The following EGFL8 variants were observed in gnomAD, a reference collection of about 807,000 sequenced individuals.
The protein encoded by EGFL8 is epidermal growth factor-like protein 8.
In EGFL8, 32 loss-of-function variants were observed where a neutral mutation model predicts 39.4. That is an observed-to-expected ratio of 0.81 (90% CI 0.61 to 1.09). EGFL8 has a LOEUF of 1.09. EGFL8 is among the 50% of genes least tolerant of loss of function. EGFL8 has a pLI of 0.00. For missense variants in EGFL8, 385 were observed against 402.2 expected (o/e 0.96, Z 0.37); for synonymous variants, 177 against 168.5 (o/e 1.05, Z -0.39).
In EGFL8 at chr6:32,166,347, A is replaced by G; in HGVS notation, c.101+81A>G. 2 of 1,593,656 alleles carry G rather than the reference A, an allele frequency of 1.3e-6. No individual in the cohort carries two copies. The highest frequency in any genetic ancestry group is 1.7e-6 in the Non-Finnish European group (2 of 1,163,610). ...GGGGTGGGGCTTCACAGGAGGCAAA[A>G]CATAACTGTAAGTTTAGAATGGGGG... On this transcript the variant is annotated intron_variant, in intron 2 of 8. Transcript: ENST00000333845. The surrounding 1 kb of genome is among the most constrained non-coding windows in gnomAD (Gnocchi z 7.3).
Position 32,166,278 on chromosome 6 carries a change from G to C in EGFL8, c.101+12G>C. ...TCCCTCAGAGAGAGGTGACAACAGA[G>C]GGGGTAGGGCCCGGGGTGAGCTCTT... On this transcript the variant is annotated intron_variant, in intron 2 of 8. Coordinates refer to ENST00000333845, the MANE Select transcript of EGFL8 (RefSeq NM_030652.4). This position sits in a 1 kb window ranked among gnomAD's most constrained non-coding sequence, Gnocchi z 7.3. 1.9e-6 allele frequency: 3 copies of C among 1,613,746 alleles called. No individual in the cohort carries two copies. Among genetic ancestry groups the C allele is most frequent in the Non-Finnish European group, 2.5e-6 (3 of 1,179,790 alleles).
In EGFL8 at chr6:32,168,047, G is replaced by A; in HGVS notation, c.*91G>A. ...TGGCCGACTGTGAGCTGCAGATAAG[G>A]CTATCAGCCACCAAAGAGCAATGAA... is the stretch of plus-strand genomic sequence containing the variant. On this transcript the variant is annotated 3_prime_UTR_variant, in exon 9 of 9. Transcript: ENST00000333845. This position sits in a 1 kb window ranked among gnomAD's most constrained non-coding sequence, Gnocchi z 4.5. The A allele has an allele frequency of 7.7e-7, 1 of 1,293,212 alleles. No homozygotes were observed. The highest frequency in any genetic ancestry group is 1.1e-6 in the Non-Finnish European group (1 of 892,578). The allele number at this position is 1,293,212 out of a possible 1,614,324, so 80.1% of individuals were successfully genotyped here. A position where few individuals can be genotyped will look rare whatever the true frequency, so the allele number is the denominator to read the frequency against.
chr6:32,164,643 G>C lies in EGFL8; in HGVS notation c.-43G>C, dbSNP rs1013190756. Reference sequence around the variant, plus strand: ...AGGCTGGTCTGCTTGAAGCCTCCCAGGAGAAAGAAGCCAGGTGGGAATGGA... The same window carrying C: ...AGGCTGGTCTGCTTGAAGCCTCCCACGAGAAAGAAGCCAGGTGGGAATGGA... On this transcript the variant is annotated 5_prime_UTR_variant, in exon 1 of 9. Coordinates refer to ENST00000333845, the MANE Select transcript of EGFL8 (RefSeq NM_030652.4). This position sits in a 1 kb window ranked among gnomAD's most constrained non-coding sequence, Gnocchi z 5.4. The C allele has an allele frequency of 1.5e-5, 11 of 718,778 alleles. No homozygotes were observed. 44.5% of individuals were successfully genotyped at this position (718,778 alleles called of 1,614,324 possible).
In EGFL8 at chr6:32,164,620, G is replaced by C. The variant is rs1463457850; in HGVS notation, c.-66G>C. On this transcript the variant is annotated 5_prime_UTR_variant, in exon 1 of 9. Transcript: ENST00000333845. This position sits in a 1 kb window ranked among gnomAD's most constrained non-coding sequence, Gnocchi z 5.4. ...ACCAGTCTGAGCTGCTTCTGCTGAG[G>C]CTGGTCTGCTTGAAGCCTCCCAGGA... The C allele has an allele frequency of 6.9e-6, 5 of 720,490 alleles. No individual in the cohort carries two copies. The highest frequency in any genetic ancestry group is 1.3e-5 in the Non-Finnish European group (5 of 387,040). The allele number at this position is 720,490 out of a possible 1,614,324, so 44.6% of individuals were successfully genotyped here.
At position 32,167,247 on chromosome 6, in the gene EGFL8, C is replaced by T. The variant is rs756949458; in HGVS notation, c.591C>T (p.Leu197=). The T allele has an allele frequency of 3.1e-6, 5 of 1,611,986 alleles. No homozygotes were observed. In the Admixed American group the frequency reaches 5.0e-5, roughly 16 times the overall value. Residue 197 remains leucine (L), a synonymous_variant, in exon 6 of 9, where the codon CTC becomes CTT. Transcript: ENST00000333845. This position sits in a 1 kb window ranked among gnomAD's most constrained non-coding sequence, Gnocchi z 6.4. ...SPEPPTSASI[L]SVAVREAEKD... ...AGCCCCCAACCAGTGCCAGCATACT[C>T]AGCGTGGCCGGTGAGTGGGCAGGAG...
At position 32,167,473 on chromosome 6, in the gene EGFL8, C is replaced by T; in HGVS notation, c.682-30C>T. The T allele has an allele frequency of 6.2e-7, 1 of 1,610,884 alleles. No individual in the cohort carries two copies. Among genetic ancestry groups the T allele is most frequent in the Non-Finnish European group, 8.5e-7 (1 of 1,179,894 alleles). On this transcript the variant is annotated intron_variant, in intron 7 of 8. Transcript: ENST00000333845. This position sits in a 1 kb window ranked among gnomAD's most constrained non-coding sequence, Gnocchi z 6.4. ...GTGGGGCGAGGCCAGACGTCACTGT[C>T]AATACCCTGAGGCATCTCTTCCTTT...
At position 32,166,266 on chromosome 6, in the gene EGFL8, G is replaced by A. The variant is rs1784471249; in HGVS notation, c.101G>A (p.Ser34Asn). The A allele has an allele frequency of 6.2e-7, 1 of 1,613,968 alleles. No homozygotes were observed. The highest frequency in any genetic ancestry group is 8.5e-7 in the Non-Finnish European group (1 of 1,179,974). The change falls in exon 2 of 9, where the codon AGT becomes AAT. Residue 34 changes from serine (S) to asparagine (N), a missense_variant and splice_region_variant. Transcript: ENST00000333845. This position sits in a 1 kb window ranked among gnomAD's most constrained non-coding sequence, Gnocchi z 7.3. ...GCCAAGGGTGGATCCCTCAGAGAGA[G>A]GTGACAACAGAGGGGGTAGGGCCCG... ...EGAKGGSLRESQGVCSKQTLV... is the reference protein window; with the variant it reads ...EGAKGGSLRENQGVCSKQTLV...
chr6:32,167,912 T>G lies in EGFL8; in HGVS notation c.838T>G (p.Ser280Ala), dbSNP rs767399890. 4.1e-5 allele frequency: 66 copies of G among 1,614,032 alleles called. No homozygotes were observed. The highest frequency in any genetic ancestry group is 5.4e-5 in the Non-Finnish European group (64 of 1,180,022). Residue 280 changes from serine (S) to alanine (A), a missense_variant and splice_region_variant, in exon 9 of 9, where the codon TCC (serine) becomes GCC (alanine). By Grantham distance (99) the Ser-to-Ala change is moderately conservative. Coordinates refer to ENST00000333845, the MANE Select transcript of EGFL8 (RefSeq NM_030652.4). This position sits in a 1 kb window ranked among gnomAD's most constrained non-coding sequence, Gnocchi z 6.4. ...LLLEERLGAC[S>A]CEDNSLGLGV... ...GTGTCTGCCATGTCATTAACCAGGC[T>G]CCTGTGAGGACAACAGCCTGGGCCT...
Position 32,167,146 on chromosome 6 carries a change from G to C in EGFL8, c.490G>C (p.Gly164Arg). 2 of 1,613,088 alleles carry C rather than the reference G, an allele frequency of 1.2e-6. No homozygotes were observed. The highest frequency in any genetic ancestry group is 2.2e-5 in the East Asian group (1 of 44,880). The change falls in exon 6 of 9, where the codon GGC becomes CGC. Residue 164 changes from glycine (G) to arginine (R), a missense_variant. Coordinates refer to ENST00000333845, the MANE Select transcript of EGFL8 (RefSeq NM_030652.4). This position sits in a 1 kb window ranked among gnomAD's most constrained non-coding sequence, Gnocchi z 6.4. ...LCSHHCFNTA[G>R]SFTCGCPHDL... ...CTCGCACCATTGTTTTAATACGGCA[G>C]GCAGCTTCACCTGCGGCTGCCCCCA...
Position 32,167,601 on chromosome 6 carries a change from C to T in EGFL8, c.780C>T (p.Asp260=). 1 of 1,611,270 alleles carries T rather than the reference C, an allele frequency of 6.2e-7. No individual in the cohort carries two copies. Among genetic ancestry groups the T allele is most frequent in the Non-Finnish European group, 8.5e-7 (1 of 1,179,932 alleles). ...EQVAELWGRG[D]RIESLSDQVL... ...TGGCTGAGCTGTGGGGCCGGGGTGACCGGATCGAATCTCTCAGCGACCAGG... is the reference window on the plus strand; with the variant it reads ...TGGCTGAGCTGTGGGGCCGGGGTGATCGGATCGAATCTCTCAGCGACCAGG... The change falls in exon 8 of 9, where the codon GAC becomes GAT. Residue 260 remains aspartate, a synonymous_variant. Coordinates refer to ENST00000333845, the MANE Select transcript of EGFL8 (RefSeq NM_030652.4). The surrounding 1 kb of genome is among the most constrained non-coding windows in gnomAD (Gnocchi z 6.4).
In EGFL8 at chr6:32,167,790, A is replaced by T. The variant is rs1354731503; in HGVS notation, c.836-120A>T. ...TATCCTCATGCCTCTCCACTTTACCATCGTTCTCTTCTGAAATCCTGTCCC... is the reference window on the plus strand; with the variant it reads ...TATCCTCATGCCTCTCCACTTTACCTTCGTTCTCTTCTGAAATCCTGTCCC... On this transcript the variant is annotated intron_variant, in intron 8 of 8. Coordinates refer to ENST00000333845, the MANE Select transcript of EGFL8 (RefSeq NM_030652.4). The surrounding 1 kb of genome is among the most constrained non-coding windows in gnomAD (Gnocchi z 6.4). 6.6e-6 allele frequency: 10 copies of T among 1,526,140 alleles called. No homozygotes were observed. Among genetic ancestry groups the T allele is most frequent in the Non-Finnish European group, 9.0e-6 (10 of 1,115,298 alleles). 94.5% of individuals were successfully genotyped at this position (1,526,140 alleles called of 1,614,324 possible).
At chr6:32,165,543 C>G (rs1416137552) in intron 1 of EGFL8, 1 of 149,224 alleles carries the variant, frequency 6.7e-6, no homozygotes, top group Admixed American at 6.7e-5. Context: ...GACAGCGAGA[C>G]TCCGTCTCAA....
Position 32,167,113 on chromosome 6 carries a change from AC to A in EGFL8, c.460del (p.Leu154SerfsTer21). ...CGTGGATGAATGTAGGACCAGCATC[AC>A]CCTCTGCTCGCACCATTGTTTTAAT... ...VDVDECRTSI[T>X]LCSHHCFNTA... On this transcript the variant is annotated frameshift_variant, in exon 6 of 9. Transcript: ENST00000333845. LOFTEE classifies it high-confidence loss of function. The surrounding 1 kb of genome is among the most constrained non-coding windows in gnomAD (Gnocchi z 6.4). 1 of 1,612,856 alleles carries A rather than the reference AC, an allele frequency of 6.2e-7. No homozygotes were observed. Among genetic ancestry groups the A allele is most frequent in the Non-Finnish European group, 8.5e-7 (1 of 1,179,974 alleles).
At position 32,164,616 on chromosome 6, in the gene EGFL8, T is replaced by C. The variant is rs1264794919; in HGVS notation, c.-70T>C. 2.8e-6 allele frequency: 2 copies of C among 720,610 alleles called. No individual in the cohort carries two copies. The highest frequency in any genetic ancestry group is 1.5e-5 in the South Asian group (1 of 67,888). 44.6% of individuals were successfully genotyped at this position (720,610 alleles called of 1,614,324 possible). A position where few individuals can be genotyped will look rare whatever the true frequency, so the allele number is the denominator to read the frequency against. On this transcript the variant is annotated 5_prime_UTR_variant, in exon 1 of 9. Transcript: ENST00000333845. This position sits in a 1 kb window ranked among gnomAD's most constrained non-coding sequence, Gnocchi z 5.4. ...ACCCACCAGTCTGAGCTGCTTCTGC[T>C]GAGGCTGGTCTGCTTGAAGCCTCCC...
chr6:32,166,566 T>C lies in EGFL8; in HGVS notation c.170T>C (p.Val57Ala), dbSNP rs769849513. The C allele has an allele frequency of 1.2e-6, 2 of 1,614,060 alleles. No individual in the cohort carries two copies. Among genetic ancestry groups the C allele is most frequent in the Admixed American group, 1.7e-5 (1 of 60,020 alleles). Residue 57 changes from valine to alanine, a missense_variant, in exon 3 of 9, where the codon GTG (valine) becomes GCG (alanine). By Grantham distance (64) the Val-to-Ala change is moderately conservative. Transcript: ENST00000333845. The surrounding 1 kb of genome is among the most constrained non-coding windows in gnomAD (Gnocchi z 7.3). ...LHYNESYSQP[V>A]YKPYLTLCAG... Reference sequence around the variant, plus strand: ...TACAACGAGTCCTACAGCCAACCAGTGTACAAGCCCTACCTGACCTTGTGC... The same window carrying C: ...TACAACGAGTCCTACAGCCAACCAGCGTACAAGCCCTACCTGACCTTGTGC...
At position 32,167,908 on chromosome 6, in the gene EGFL8, A is replaced by G. The variant is rs372095101; in HGVS notation, c.836-2A>G. On this transcript the variant is annotated splice_acceptor_variant, in intron 8 of 8. Transcript: ENST00000333845. LOFTEE classifies it high-confidence loss of function. This position sits in a 1 kb window ranked among gnomAD's most constrained non-coding sequence, Gnocchi z 6.4. ...CACTGTGTCTGCCATGTCATTAACC[A>G]GGCTCCTGTGAGGACAACAGCCTGG... is the stretch of plus-strand genomic sequence containing the variant. 1 of 1,614,072 alleles carries G rather than the reference A, an allele frequency of 6.2e-7. No homozygotes were observed. The highest frequency in any genetic ancestry group is 8.5e-7 in the Non-Finnish European group (1 of 1,180,018).
In EGFL8 at chr6:32,166,474, C is replaced by A; in HGVS notation, c.102-24C>A. Reference sequence around the variant, plus strand: ...GGCCTGGCCTACTCAATCTCTCCCACCTCATCCTCTGGCATGGACGCAGTC... The same window carrying A: ...GGCCTGGCCTACTCAATCTCTCCCAACTCATCCTCTGGCATGGACGCAGTC... On this transcript the variant is annotated intron_variant, in intron 2 of 8. Transcript: ENST00000333845. The surrounding 1 kb of genome is among the most constrained non-coding windows in gnomAD (Gnocchi z 7.3). 6.2e-7 allele frequency: 1 copy of A among 1,613,256 alleles called. No individual in the cohort carries two copies. The highest frequency in any genetic ancestry group is 8.5e-7 in the Non-Finnish European group (1 of 1,180,012).
Position 32,166,101 on chromosome 6 carries a change from AG to A in EGFL8, c.-28-33del, listed in dbSNP as rs749036130. The A allele has an allele frequency of 1.7e-5, 26 of 1,520,648 alleles. No homozygotes were observed. Among genetic ancestry groups the A allele is most frequent in the Non-Finnish European group, 2.4e-5 (26 of 1,096,118 alleles). 94.2% of individuals were successfully genotyped at this position (1,520,648 alleles called of 1,614,324 possible). The stretch of plus-strand genomic sequence containing the variant: ...CTAGTGCTGGAGAAATTAATAGGAG[AG>A]GGGACGGGCATCCATTAACCTTTTC... On this transcript the variant is annotated intron_variant, in intron 1 of 8. Transcript: ENST00000333845. This position sits in a 1 kb window ranked among gnomAD's most constrained non-coding sequence, Gnocchi z 7.3.
At position 32,167,726 on chromosome 6, in the gene EGFL8, G is replaced by A; in HGVS notation, c.835+70G>A. 1 of 1,557,428 alleles carries A rather than the reference G, an allele frequency of 6.4e-7. No homozygotes were observed. The highest frequency in any genetic ancestry group is 8.7e-7 in the Non-Finnish European group (1 of 1,148,840). On this transcript the variant is annotated intron_variant, in intron 8 of 8. Transcript: ENST00000333845. The surrounding 1 kb of genome is among the most constrained non-coding windows in gnomAD (Gnocchi z 6.4). ...TTCCCCAAGACCCCTCTCCATTCAG[G>A]CATTCCCTCTTTCCTCCAAGCCCCT...
Sources: gnomAD v4.1 joint callset for allele counts on GRCh38, gnomAD v4.1.1 for gene constraint, Gnocchi (gnomAD v3.1) non-coding constraint, MANE v1.5 for transcripts, NCBI Gene and HGNC (gene_info 2026-07-23, HGNC 2026-07-21) for gene names.